Variants in LMF1 observed in about 807,000 individuals in gnomAD.
LMF1 encodes the protein lipase maturation factor 1, also known as transmembrane protein 112.
A neutral mutation model predicts 60.6 loss-of-function variants in LMF1; 68 were observed. That is an observed-to-expected ratio of 1.12 (90% confidence interval 0.92 to 1.37). The LOEUF (loss-of-function observed/expected upper bound fraction) is 1.37, where lower values mean the gene tolerates loss of function less well. LMF1 is among the 40% of genes most tolerant of loss of function. The pLI, the probability that LMF1 is intolerant of heterozygous loss-of-function variation, is 0.00. For missense variants in LMF1, 948 were observed against 767.2 expected (o/e 1.24, Z -2.78); for synonymous variants, 418 against 324.7 (o/e 1.29, Z -3.09).
Position 954,625 on chromosome 16 carries a change from T to G in LMF1, c.235A>C (p.Ile79Leu), listed in dbSNP as rs372696701. ...LVAFHQNKQLIGDRGLLPCRV... is the reference protein window; with the variant it reads ...LVAFHQNKQLLGDRGLLPCRV... Reference sequence around the variant, plus strand: ...CAGGGAAGCAGCCCCCTGTCACCGATGAGCTGCTTGTTCTGATGGAAAGCC... The same window carrying G: ...CAGGGAAGCAGCCCCCTGTCACCGAGGAGCTGCTTGTTCTGATGGAAAGCC... Residue 79 changes from isoleucine (I) to leucine (L), a missense_variant, in exon 2 of 11, where the codon ATC becomes CTC. Physicochemically the swap from Ile to Leu is conservative, Grantham distance 5. Coordinates refer to ENST00000262301, the MANE Select transcript of LMF1 (RefSeq NM_022773.4). The G allele has an allele frequency of 6.7e-5, 108 of 1,608,364 alleles. No individual in the cohort carries two copies. The African/African-American group carries it at 1.3e-3, about 19-fold the overall frequency.
chr16:880,523 AG>A (rs2151715346), intron 5 of LMF1, among the ~76,000 whole-genome samples: 1 of 152,368 alleles, frequency 6.6e-6, no homozygotes, highest in East Asian at 1.9e-4. Context: ...ATAAAAAATT[AG>A]CTGGGCATGG....
intron 2 of LMF1, among the ~76,000 whole-genome samples, chr16:943,288 G>A (rs549471042): frequency 0.077 from 11,668 of 151,200 alleles, 505 homozygotes; most frequent in South Asian, 0.15. Flanking sequence ...GGAGAATGGA[G>A]TGAACCCAGG....
intron 1 of LMF1, chr16:979,065 C>T (rs1407493281): frequency 2.2e-6 from 1 of 453,896 alleles, no homozygotes; most frequent in Non-Finnish European, 4.4e-6. Flanking sequence ...GTCTGCAGGG[C>T]AGGAGCTGTG....
chr16:893,510 C>A (rs976629895), intron 4 of LMF1, among the ~76,000 whole-genome samples: 2 of 152,174 alleles, frequency 1.3e-5, no homozygotes, highest in Admixed American at 1.3e-4. Flanking sequence ...GTCTCAGCCC[C>A]GCCCCCTGCG....
At position 854,552 on chromosome 16, in the gene LMF1, G is replaced by T. The variant is rs1269821917; in HGVS notation, c.1684C>A (p.Pro562Thr). 6.2e-7 allele frequency: 1 copy of T among 1,608,268 alleles called. No individual in the cohort carries two copies. The highest frequency in any genetic ancestry group is 8.5e-7 in the Non-Finnish European group (1 of 1,179,088). The change falls in exon 11 of 11, where the codon CCT (proline) becomes ACT (threonine). Residue 562 changes from proline (P) to threonine (T), a missense_variant. Coordinates refer to ENST00000262301, the MANE Select transcript of LMF1 (RefSeq NM_022773.4). The stretch of plus-strand genomic sequence containing the variant: ...CACGTCTAGAGGGGCCCGGGCAGAG[G>T]CCACCCACGGTCCCTGAAGTAGGGC... The part of the protein sequence containing the change: ...LRPYFRDRGW[P>T]LPGPL
intron 4 of LMF1, among the ~76,000 whole-genome samples, chr16:910,729 G>A (rs760440673): frequency 2.0e-5 from 3 of 152,122 alleles, no homozygotes; most frequent in Non-Finnish European, 4.4e-5. Flanking sequence ...TCATGAGCAT[G>A]CCCGGGAAAA....
intron 3 of LMF1, among the ~76,000 whole-genome samples, chr16:930,772 C>A (rs1323220166): frequency 6.6e-6 from 1 of 152,198 alleles, no homozygotes; most frequent in African/African-American, 2.4e-5. Context: ...GCAGGGTTTG[C>A]TGCTGGTGAA....
In LMF1 at chr16:870,789, T is replaced by C. The variant is rs763603573; in HGVS notation, c.1172A>G (p.Gln391Arg). 16 of 1,612,748 alleles carry C rather than the reference T, an allele frequency of 9.9e-6. No individual in the cohort carries two copies. Among genetic ancestry groups the C allele is most frequent in the African/African-American group, 4.0e-5 (3 of 74,926 alleles). Residue 391 changes from glutamine (Q) to arginine (R), a missense_variant, in exon 8 of 11, where the codon CAG (glutamine) becomes CGG (arginine). Physicochemically the swap from Gln to Arg is conservative, Grantham distance 43. Transcript: ENST00000262301. ...PVVLNLLSSRQVMNTHFNSLH... is the reference protein window; with the variant it reads ...PVVLNLLSSRRVMNTHFNSLH... ...AGAGTTGAAGTGGGTGTTCATGACC[T>C]GCCTGGAGCTCAGCAAGTTGAGGAC...
At chr16:939,739 T>C (rs1201361681) in intron 2 of LMF1, among the ~76,000 whole-genome samples, 1 of 152,226 alleles carries the variant, frequency 6.6e-6, no homozygotes, top group African/African-American at 2.4e-5. Flanking sequence ...AAAAAAACTT[T>C]GGTTATTTCC....
chr16:960,112 T>C (rs1348089948), intron 1 of LMF1, among the ~76,000 whole-genome samples: 4 of 152,194 alleles, frequency 2.6e-5, no homozygotes, highest in Admixed American at 6.5e-5. Context: ...GAAGTTTCTA[T>C]GCTCCCCTAA....
intron 1 of LMF1, chr16:976,651 C>G (rs1238652312): frequency 2.2e-6 from 1 of 454,064 alleles, no homozygotes; most frequent in Admixed American, 2.3e-5. Flanking sequence ...GCCCCCCACC[C>G]CCACACTGAG....
At chr16:931,909 G>A (rs992548236) in intron 3 of LMF1, 21 of 843,262 alleles carry the variant, frequency 2.5e-5, no homozygotes, top group African/African-American at 1.9e-4. Context: ...ACCTGCTACC[G>A]AAGAATCAGT....
intron 6 of LMF1, 145 bp downstream of exon 6, chr16:879,425 A>T (rs564262870): frequency 1.0e-6 from 1 of 975,774 alleles, no homozygotes; most frequent in African/African-American, 1.7e-5. Context: ...CCCGTGACAC[A>T]AACGAAGGCT....
At position 881,898 on chromosome 16, in the gene LMF1, C is replaced by T. The variant is rs183687654; in HGVS notation, c.730-2161G>A. ...GCATGCTGGGGCTGCTGACGTGTGT[C>T]GGCTGAGCTCTGACGGGGAGGGGAG... is the stretch of plus-strand genomic sequence containing the variant. On this transcript the variant is annotated intron_variant, in intron 5 of 10. Coordinates refer to ENST00000262301, the MANE Select transcript of LMF1 (RefSeq NM_022773.4). Among the ~76,000 whole-genome samples, 78 of 152,238 alleles carry T rather than the reference C, an allele frequency of 5.1e-4. No homozygotes were observed. The highest frequency in any genetic ancestry group is 8.1e-4 in the Non-Finnish European group (55 of 68,016).
intron 5 of LMF1, among the ~76,000 whole-genome samples, chr16:890,139 CCT>C (rs1475224742): frequency 6.6e-6 from 1 of 152,210 alleles, no homozygotes; most frequent in Non-Finnish European, 1.5e-5. Flanking sequence ...AGTCCAGGCC[CCT>C]GAGGCCGGTA....
Position 963,869 on chromosome 16 carries a change from CTACTCATGTTA to C in LMF1, c.193+6908_193+6918del, listed in dbSNP as rs541851558. ...AGAGAGAAAAAAACTATTTCAACCT[CTACTCATGTTA>C]TAAAAATAGCTACATAAAAAGATGC... On this transcript the variant is annotated intron_variant, in intron 1 of 10. Transcript: ENST00000262301. Among the ~76,000 whole-genome samples, 1,511 of 152,320 alleles carry C rather than the reference CTACTCATGTTA, an allele frequency of 9.9e-3. 15 individuals are homozygous for C. The highest frequency in any genetic ancestry group is 0.015 in the Non-Finnish European group (1,033 of 68,022).
Position 878,348 on chromosome 16 carries a change from C to T in LMF1, c.897+1222G>A, listed in dbSNP as rs1241745805. On this transcript the variant is annotated intron_variant, in intron 6 of 10. Transcript: ENST00000262301. This position sits in a 1 kb window ranked among gnomAD's most constrained non-coding sequence, Gnocchi z 5.2. ...TCCAAGCAGCTAACGCGGAAAAGCC[C>T]GAGGGAGTCAGGAGCTGCTCAGGGC... Among the ~76,000 whole-genome samples the T allele has an allele frequency of 1.3e-5, 2 of 152,076 alleles. No homozygotes were observed. Among genetic ancestry groups the T allele is most frequent in the Non-Finnish European group, 2.9e-5 (2 of 68,012 alleles).
chr16:917,940 TCTCACGTCCTGAGGAC>T (rs2071327031), intron 3 of LMF1, among the ~76,000 whole-genome samples: 1 of 152,182 alleles, frequency 6.6e-6, no homozygotes. Context: ...GCTGGCCATG[TCTCACGTCCTGAGGAC>T]GTTTCACAGG....
intron 10 of LMF1, 150 bp downstream of exon 10, chr16:868,794 T>G (rs2069685847): frequency 3.3e-6 from 2 of 599,740 alleles, no homozygotes; most frequent in African/African-American, 1.9e-5. Flanking sequence ...GGGGGCCCTT[T>G]TTGCTCCCAG....
Sources: allele counts gnomAD v4.1 joint callset (sites outside exome capture counted in the v4.1 genomes callset), GRCh38; gene constraint gnomAD v4.1.1; non-coding constraint Gnocchi (gnomAD v3.1); transcripts MANE v1.5; gene names NCBI Gene and HGNC (gene_info 2026-07-23, HGNC 2026-07-21).